XRCC4: variants seen among roughly 807,000 people sequenced by gnomAD.
The protein encoded by XRCC4 is DNA repair protein XRCC4.
A neutral mutation model predicts 39.1 loss-of-function variants in XRCC4; 28 were observed. The ratio of observed to expected loss-of-function variants is 0.72; its 90% CI spans 0.53 to 0.98. The LOEUF (loss-of-function observed/expected upper bound fraction) is 0.98, where lower values mean the gene tolerates loss of function less well. Among genes scored for constraint, XRCC4 ranks in the 50% least tolerant of loss-of-function variants. The pLI, the probability that XRCC4 is intolerant of heterozygous loss-of-function variation, is 0.00. For missense variants in XRCC4, 350 were observed against 376.4 expected (o/e 0.93, Z 0.58); for synonymous variants, 123 against 126.4 (o/e 0.97, Z 0.18).
intron 3 of XRCC4, among the ~76,000 whole-genome samples, chr5:83,146,178 C>T (rs1403954719): frequency 6.6e-6 from 1 of 152,250 alleles, no homozygotes; most frequent in African/African-American, 2.4e-5. Flanking sequence ...GGAAAGTGAG[C>T]AGCTGGTATT....
At position 83,195,955 on chromosome 5, in the gene XRCC4, T is replaced by A. The variant is rs748969657; in HGVS notation, c.482+19T>A. On this transcript the variant is annotated intron_variant, in intron 4 of 7. Coordinates refer to ENST00000396027, the MANE Select transcript of XRCC4 (RefSeq NM_003401.5). ...AAGGACGGTGTGTACACAGTTTGCT[T>A]GTGGTATAAAAATACGGAGCCCTCT... The A allele has an allele frequency of 6.4e-7, 1 of 1,550,422 alleles. No individual in the cohort carries two copies. The highest frequency in any genetic ancestry group is 8.7e-7 in the Non-Finnish European group (1 of 1,148,518).
At chr5:83,298,241 A>G (rs886935291) in intron 7 of XRCC4, among the ~76,000 whole-genome samples, 1 of 151,526 alleles carries the variant, frequency 6.6e-6, no homozygotes, top group Non-Finnish European at 1.5e-5. Context: ...AAAAAAAAAA[A>G]CTGTCTACAA....
intron 7 of XRCC4, among the ~76,000 whole-genome samples, chr5:83,270,376 C>G (rs926839993): frequency 1.3e-5 from 2 of 152,130 alleles, no homozygotes; most frequent in African/African-American, 2.4e-5. Context: ...TCTCTCATGC[C>G]TAGCTCTACT....
At chr5:83,118,225 A>G (rs1375515089) in intron 3 of XRCC4, among the ~76,000 whole-genome samples, 2 of 151,988 alleles carry the variant, frequency 1.3e-5, no homozygotes, top group African/African-American at 4.8e-5. Flanking sequence ...TAAAAATCCA[A>G]ATAGGCAAAC....
chr5:83,322,785 C>T (rs1457071896), intron 7 of XRCC4, among the ~76,000 whole-genome samples: 2 of 152,150 alleles, frequency 1.3e-5, no homozygotes, highest in African/African-American at 2.4e-5. Flanking sequence ...GAGGAAGGAA[C>T]AGATTCTCAC....
chr5:83,129,347 G>A (rs1453171949), intron 3 of XRCC4, among the ~76,000 whole-genome samples: 1 of 151,648 alleles, frequency 6.6e-6, no homozygotes, highest in Admixed American at 6.6e-5. Context: ...CTCTGTTTTG[G>A]TACCAGTACC....
intron 6 of XRCC4, among the ~76,000 whole-genome samples, chr5:83,216,499 A>C (rs886206108): frequency 1.3e-5 from 2 of 152,216 alleles, no homozygotes; most frequent in Non-Finnish European, 2.9e-5. Flanking sequence ...ACGTCCTCAT[A>C]AAGACATATA....
At chr5:83,246,631 G>A (rs1214997401) in intron 6 of XRCC4, among the ~76,000 whole-genome samples, 1 of 151,932 alleles carries the variant, frequency 6.6e-6, no homozygotes, top group Non-Finnish European at 1.5e-5. Flanking sequence ...AGTTTATTAT[G>A]GAAGAATTAT....
chr5:83,331,044 A>C (rs2112166000), intron 7 of XRCC4, among the ~76,000 whole-genome samples: 1 of 152,250 alleles, frequency 6.6e-6, no homozygotes, highest in African/African-American at 2.4e-5. Flanking sequence ...AGGAATAGGT[A>C]GATGCAATAC....
At chr5:83,306,039 G>A (rs1755471839) in intron 7 of XRCC4, among the ~76,000 whole-genome samples, 1 of 152,100 alleles carries the variant, frequency 6.6e-6, no homozygotes, top group African/African-American at 2.4e-5. Flanking sequence ...TTAGGCAACA[G>A]TTTTTGCTCA....
intron 7 of XRCC4, among the ~76,000 whole-genome samples, chr5:83,300,601 C>CTT (rs1398002802): frequency 3.6e-5 from 3 of 83,088 alleles, no homozygotes; most frequent in African/African-American, 1.3e-4. Context: ...TTTCATTATA[C>CTT]TTTAAGTTCT....
intron 1 of XRCC4, among the ~76,000 whole-genome samples, chr5:83,088,066 G>A (rs1248663885): frequency 6.6e-6 from 1 of 152,088 alleles, no homozygotes; most frequent in African/African-American, 2.4e-5. Flanking sequence ...CTGAACATTG[G>A]ATTCCTCAGG....
intron 6 of XRCC4, among the ~76,000 whole-genome samples, chr5:83,205,867 A>AGAAG (rs1751400620): frequency 6.6e-6 from 1 of 152,050 alleles, no homozygotes; most frequent in Admixed American, 6.6e-5. Context: ...GGCCTCAGTG[A>AGAAG]GAAGGTGAAG....
At chr5:83,161,838 G>A (rs925511087) in intron 3 of XRCC4, among the ~76,000 whole-genome samples, 2 of 152,176 alleles carry the variant, frequency 1.3e-5, no homozygotes, top group African/African-American at 4.8e-5. Flanking sequence ...GCTGATAGCA[G>A]CAAGTTTTTG....
intron 3 of XRCC4, among the ~76,000 whole-genome samples, chr5:83,137,334 T>A (rs1181165494): frequency 6.6e-6 from 1 of 152,170 alleles, no homozygotes; most frequent in African/African-American, 2.4e-5. Flanking sequence ...GATGTTTCAG[T>A]AGGTGAGTTT....
chr5:83,132,362 G>A (rs1747638199), intron 3 of XRCC4, among the ~76,000 whole-genome samples: 1 of 151,970 alleles, frequency 6.6e-6, no homozygotes, highest in Non-Finnish European at 1.5e-5. Context: ...ATGTGTCTTG[G>A]TGTTGCTGTT....
chr5:83,104,210 G>A (rs112478866), intron 1 of XRCC4, among the ~76,000 whole-genome samples: 40 of 152,096 alleles, frequency 2.6e-4, no homozygotes, highest in African/African-American at 8.4e-4. Flanking sequence ...AGGCATGACT[G>A]GATACTATCA....
rs1446464035 is a variant in XRCC4 at position 83,313,058 on chromosome 5, CT to C, written c.894-40072del. Among the ~76,000 whole-genome samples, 7 of 144,350 alleles carry C rather than the reference CT, an allele frequency of 4.8e-5. No homozygotes were observed. The East Asian group carries it at 1.2e-3, about 24-fold the overall frequency. The allele number at this position is 144,350 out of a possible 152,430, so 94.7% of individuals were successfully genotyped here. On this transcript the variant is annotated intron_variant, in intron 7 of 7. Transcript: ENST00000396027. ...TGACAGAAACCATGCCAAAAAATGT[CT>C]CTTTTTTCTTTTCTTTTCTTTCTTT...
At chr5:83,323,081 G>T (rs1756132028) in intron 7 of XRCC4, among the ~76,000 whole-genome samples, 1 of 151,998 alleles carries the variant, frequency 6.6e-6, no homozygotes, top group Non-Finnish European at 1.5e-5. Flanking sequence ...TGACTCTGAT[G>T]GATCTAGTTC....
Sources: allele counts gnomAD v4.1 joint callset (sites outside exome capture counted in the v4.1 genomes callset), GRCh38; gene constraint gnomAD v4.1.1; transcripts MANE v1.5; gene names NCBI Gene and HGNC (gene_info 2026-07-23, HGNC 2026-07-21).